Variants in OTUD7A observed in about 807,000 individuals in gnomAD.
The protein encoded by OTUD7A is OTU domain-containing protein 7A.
OTUD7A carries 12 observed loss-of-function variants against 65.7 expected under a neutral mutation model. That is an observed-to-expected ratio of 0.18 (90% CI 0.12 to 0.30). OTUD7A has a LOEUF of 0.30. Among genes scored for constraint, OTUD7A ranks in the 10% least tolerant of loss-of-function variants. The pLI is 1.00. For synonymous variants in OTUD7A, 641 were observed against 586.3 expected, an observed-to-expected ratio of 1.09 and a Z score of -1.35; for missense variants, 1,148 against 1,304.8, an observed-to-expected ratio of 0.88 and a Z score of 1.85.
Position 31,592,811 on chromosome 15 carries a change from C to T in OTUD7A, c.152-22614G>A, listed in dbSNP as rs541268344. Among the ~76,000 whole-genome samples, 20 of 134,998 alleles carry T rather than the reference C, an allele frequency of 1.5e-4. No homozygotes were observed. In the East Asian group the frequency reaches 3.9e-3, roughly 26 times the overall value. 88.6% of individuals were successfully genotyped at this position (134,998 alleles called of 152,430 possible). A position where few individuals can be genotyped will look rare whatever the true frequency, so the allele number is the denominator to read the frequency against. ...AGGAGAATGGCGTGAACCCAGGAGG[C>T]GGCGCTTGCAGTGAGCCGAGATCGT... On this transcript the variant is annotated intron_variant, in intron 3 of 12. Coordinates refer to ENST00000307050, the MANE Select transcript of OTUD7A (RefSeq NM_001382637.1).
intron 5 of OTUD7A, among the ~76,000 whole-genome samples, chr15:31,547,002 T>C (rs1888151583): frequency 8.0e-6 from 1 of 125,262 alleles, no homozygotes; most frequent in African/African-American, 2.5e-5. Flanking sequence ...TCTACACTTA[T>C]GATTTGCACA....
chr15:31,737,597 C>T (rs1479214116), intron 1 of OTUD7A, among the ~76,000 whole-genome samples: 1 of 152,158 alleles, frequency 6.6e-6, no homozygotes, highest in Non-Finnish European at 1.5e-5. Context: ...TATCTAAGAA[C>T]TTGTTGACTC....
intron 3 of OTUD7A, among the ~76,000 whole-genome samples, chr15:31,623,373 C>T (rs1431586966): frequency 1.3e-5 from 2 of 152,230 alleles, no homozygotes; most frequent in Non-Finnish European, 2.9e-5. Context: ...GTGGAGTCTA[C>T]AGAGGCAGGC....
intron 1 of OTUD7A, among the ~76,000 whole-genome samples, chr15:31,732,619 C>T (rs1385635689): frequency 1.3e-5 from 2 of 152,232 alleles, no homozygotes; most frequent in Non-Finnish European, 2.9e-5. Context: ...CTGGGGCATA[C>T]GTAACAAGCA....
chr15:31,864,414 C>T (rs188663640), intron 1 of OTUD7A, among the ~76,000 whole-genome samples: 6 of 152,276 alleles, frequency 3.9e-5, no homozygotes, highest in Admixed American at 6.5e-5. Context: ...CAGTTCCACA[C>T]GGCTGGGGAG....
chr15:31,664,655 A>T (rs1297609911), intron 1 of OTUD7A, among the ~76,000 whole-genome samples: 5 of 152,116 alleles, frequency 3.3e-5, no homozygotes, highest in African/African-American at 1.2e-4. Flanking sequence ...AAAGCTCTTT[A>T]GTTTAATTAA....
At chr15:31,634,048 T>C (rs905353142) in intron 3 of OTUD7A, among the ~76,000 whole-genome samples, 11 of 152,054 alleles carry the variant, frequency 7.2e-5, no homozygotes, top group Non-Finnish European at 1.6e-4. Flanking sequence ...AATAAATAAA[T>C]ACACCAGACA....
At chr15:31,566,866 C>T (rs1166993002) in intron 4 of OTUD7A, among the ~76,000 whole-genome samples, 1 of 152,198 alleles carries the variant, frequency 6.6e-6, no homozygotes, top group Non-Finnish European at 1.5e-5. Flanking sequence ...TGATTTTAAG[C>T]TTCCTGAGGC....
At chr15:31,589,464 T>C (rs1364678133) in intron 3 of OTUD7A, among the ~76,000 whole-genome samples, 1 of 69,436 alleles carries the variant, frequency 1.4e-5, no homozygotes, top group African/African-American at 1.5e-4. Flanking sequence ...CCTGGGCTTG[T>C]TTTTTTTTTT....
chr15:31,827,013 C>T (rs1490644610), intron 1 of OTUD7A, among the ~76,000 whole-genome samples: 1 of 152,200 alleles, frequency 6.6e-6, no homozygotes, highest in Non-Finnish European at 1.5e-5. Flanking sequence ...TCCAAACTTC[C>T]CCACATTTTC....
At chr15:31,584,813 T>G (rs1889479582) in intron 3 of OTUD7A, among the ~76,000 whole-genome samples, 1 of 152,138 alleles carries the variant, frequency 6.6e-6, no homozygotes, top group African/African-American at 2.4e-5. Context: ...GGTGCAGTGT[T>G]CAAGATCATG....
chr15:31,784,964 C>G (rs2140930550), intron 1 of OTUD7A, among the ~76,000 whole-genome samples: 1 of 152,244 alleles, frequency 6.6e-6, no homozygotes, highest in African/African-American at 2.4e-5. Flanking sequence ...CGGCACTGCC[C>G]ACCTGTGCTT....
intron 3 of OTUD7A, among the ~76,000 whole-genome samples, chr15:31,597,982 T>A (rs2141207061): frequency 6.6e-6 from 1 of 152,220 alleles, no homozygotes; most frequent in African/African-American, 2.4e-5. Flanking sequence ...GAGCAGCGTG[T>A]TTCCAGTCCC....
At chr15:31,726,347 G>GCACACACA (rs5811658) in intron 1 of OTUD7A, among the ~76,000 whole-genome samples, 1 of 149,814 alleles carries the variant, frequency 6.7e-6, no homozygotes, top group East Asian at 2.0e-4. Context: ...ACACACACAC[G>GCACACACA]CACACACACA....
chr15:31,748,519 T>C (rs1391338475), intron 1 of OTUD7A, among the ~76,000 whole-genome samples: 1 of 151,954 alleles, frequency 6.6e-6, no homozygotes, highest in Non-Finnish European at 1.5e-5. Context: ...ATTGGTTGAT[T>C]TGAGTAAAAT....
chr15:31,541,645 C>T (rs1051900189), intron 5 of OTUD7A, among the ~76,000 whole-genome samples: 1 of 152,120 alleles, frequency 6.6e-6, no homozygotes, highest in Admixed American at 6.5e-5. Flanking sequence ...TGTAGTAAAT[C>T]TCCAACAACC....
chr15:31,641,155 G>A (rs530346590), intron 3 of OTUD7A, among the ~76,000 whole-genome samples: 8 of 140,880 alleles, frequency 5.7e-5, no homozygotes, highest in Non-Finnish European at 1.1e-4. Context: ...TGAGTCTCAC[G>A]AGATGTGAAG....
intron 1 of OTUD7A, among the ~76,000 whole-genome samples, chr15:31,727,691 G>A (rs149277653): frequency 1.5e-3 from 225 of 152,232 alleles, no homozygotes; most frequent in African/African-American, 5.3e-3. Context: ...CCATGGGATG[G>A]CCCTGTTACC....
At chr15:31,728,579 T>C (rs904715747) in intron 1 of OTUD7A, among the ~76,000 whole-genome samples, 1 of 151,836 alleles carries the variant, frequency 6.6e-6, no homozygotes, top group Non-Finnish European at 1.5e-5. Context: ...TCCTGCTTTG[T>C]GAGCTTTCTT....
Sources: allele counts gnomAD v4.1 joint callset (sites outside exome capture counted in the v4.1 genomes callset), GRCh38; gene constraint gnomAD v4.1.1; transcripts MANE v1.5; gene names NCBI Gene and HGNC (gene_info 2026-07-23, HGNC 2026-07-21).